UNC80: variants seen among roughly 807,000 people sequenced by gnomAD.
UNC80 encodes unc-80 subunit of NALCN channel complex.
Under a neutral mutation model 384.6 loss-of-function variants are expected in UNC80, and 164 were observed. The observed-to-expected ratio is 0.43, with a 90% CI of 0.38 to 0.49. The LOEUF is 0.49. Ranked by LOEUF, UNC80 falls within the 20% of genes least tolerant of loss-of-function variation. The pLI, the probability that UNC80 is intolerant of heterozygous loss-of-function variation, is 0.00. For missense variants in UNC80, 3,330 were observed against 4,143.0 expected, an observed-to-expected ratio of 0.80 and a Z score of 5.39; for synonymous variants, 1,486 against 1,527.8, an observed-to-expected ratio of 0.97 and a Z score of 0.64.
At chr2:209,836,562 T>A (rs1046176539) in intron 18 of UNC80, among the ~76,000 whole-genome samples, 6 of 152,240 alleles carry the variant, frequency 3.9e-5, no homozygotes, top group Non-Finnish European at 7.3e-5. Context: ...TCTTCTTATG[T>A]GAAGATACAT....
At chr2:209,851,487 G>A (rs1023664726) in intron 22 of UNC80, among the ~76,000 whole-genome samples, 1 of 152,076 alleles carries the variant, frequency 6.6e-6, no homozygotes, top group African/African-American at 2.4e-5. Flanking sequence ...CAGAGTCAAT[G>A]TGAGTTATAA....
chr2:209,918,779 A>G (rs1165085698), intron 33 of UNC80, 116 bp downstream of exon 33: 2 of 1,203,140 alleles, frequency 1.7e-6, no homozygotes, highest in African/African-American at 3.0e-5. Flanking sequence ...GAAAGTCAGC[A>G]CAAAAGATCT....
Position 209,878,081 on chromosome 2 carries a change from T to C in UNC80, c.3968T>C (p.Leu1323Ser), listed in dbSNP as rs2084938429. 3 of 1,537,480 alleles carry C rather than the reference T, an allele frequency of 2.0e-6. No individual in the cohort carries two copies. Among genetic ancestry groups the C allele is most frequent in the South Asian group, 1.2e-5 (1 of 82,016 alleles). The part of the protein sequence containing the change: ...LRKEDEEEDF[L>S]DDSTVNPSKC... ...AAGGAGGATGAGGAGGAAGACTTTT[T>C]AGATGACAGTAAGGAGACTCCCTTT... Residue 1323 changes from leucine to serine, a missense_variant, in exon 24 of 65, where the codon TTA (leucine) becomes TCA (serine). Physicochemically the swap from Leu to Ser is moderately radical, Grantham distance 145 (BLOSUM62 -2). Around this residue, in one of 8 missense-constraint regions of UNC80, gnomAD observed 801 missense variants for 950.8 expected, o/e 0.84. Coordinates refer to ENST00000673920, the MANE Select transcript of UNC80 (RefSeq NM_001371986.1).
At chr2:209,850,339 G>A (rs1446106530) in intron 22 of UNC80, among the ~76,000 whole-genome samples, 1 of 151,994 alleles carries the variant, frequency 6.6e-6, no homozygotes, top group Non-Finnish European at 1.5e-5. Flanking sequence ...AAAATACCAA[G>A]TAAACATCAG....
chr2:209,788,598 A>G (rs1011236644), intron 5 of UNC80, among the ~76,000 whole-genome samples: 3 of 147,756 alleles, frequency 2.0e-5, no homozygotes, highest in African/African-American at 7.3e-5. Context: ...ATATACAAAT[A>G]AAAGTAAAAT....
intron 61 of UNC80, among the ~76,000 whole-genome samples, chr2:209,991,928 A>G (rs1235621192): frequency 1.3e-5 from 2 of 152,194 alleles, no homozygotes; most frequent in Non-Finnish European, 2.9e-5. Context: ...TCTGAATGAT[A>G]GATACGGCAT....
intron 4 of UNC80, among the ~76,000 whole-genome samples, chr2:209,781,435 A>T (rs140497081): frequency 6.6e-6 from 1 of 152,010 alleles, no homozygotes; most frequent in Non-Finnish European, 1.5e-5. Context: ...TTTCTTTTCC[A>T]CTCAGGTCAT....
intron 23 of UNC80, among the ~76,000 whole-genome samples, chr2:209,874,550 G>T (rs150242283): frequency 0.014 from 2,064 of 152,300 alleles, 62 homozygotes; most frequent in African/African-American, 0.046. Flanking sequence ...TCTGTCTTTT[G>T]TCCTTTGTCT....
chr2:209,950,792 A>G (rs566691030), intron 47 of UNC80, among the ~76,000 whole-genome samples: 1 of 152,184 alleles, frequency 6.6e-6, no homozygotes, highest in African/African-American at 2.4e-5. Context: ...TCCTGACCTC[A>G]GGTGATCCAC....
chr2:209,772,981 T>C, intron 1 of UNC80, 113 bp from the exon 2 acceptor site: 2 of 849,652 alleles, frequency 2.4e-6, no homozygotes, highest in Admixed American at 2.4e-5. Context: ...TAAGGAAGCA[T>C]GAAATTTGAA....
rs1237032279 is a variant in UNC80 at position 209,888,112 on chromosome 2, A to G, written c.4128A>G (p.Arg1376=). Reference sequence around the variant, plus strand: ...CATTTTAGGACTTGGAGAGCTGCAGACTTCGTTTGGATCCCGAGTTGGACC... The same window carrying G: ...CATTTTAGGACTTGGAGAGCTGCAGGCTTCGTTTGGATCCCGAGTTGGACC... ...TEPLVDLESC[R]LRLDPELDRH... is the part of the protein sequence containing the mutation. Residue 1376 remains arginine, a synonymous_variant, in exon 26 of 65, where the codon AGA becomes AGG. Transcript: ENST00000673920. The G allele has an allele frequency of 6.4e-7, 1 of 1,551,690 alleles. No homozygotes were observed. The highest frequency in any genetic ancestry group is 2.4e-5 in the East Asian group (1 of 40,906).
intron 60 of UNC80, chr2:209,982,883 T>C (rs2093190054): frequency 1.3e-5 from 2 of 151,978 alleles, no homozygotes; most frequent in South Asian, 2.1e-4. Flanking sequence ...ACAAAACCCC[T>C]TTAAATATTT....
chr2:209,838,264 C>G (rs898614448), intron 18 of UNC80, among the ~76,000 whole-genome samples: 4 of 148,326 alleles, frequency 2.7e-5, no homozygotes. Flanking sequence ...CCCCACCCCC[C>G]ACCCCGCACC....
At position 209,786,113 on chromosome 2, in the gene UNC80, G is replaced by A; in HGVS notation, c.648G>A (p.Gln216=). ...FRLASGLVIW[Q]PMWEHRQPGV... ...TGGCCAGTGGGCTTGTTATATGGCA[G>A]CCCATGTGGGAACACAGACAGCCCG... The change falls in exon 5 of 65, where the codon CAG becomes CAA. Residue 216 remains glutamine, a synonymous_variant. Transcript: ENST00000673920. 6.2e-7 allele frequency: 1 copy of A among 1,614,072 alleles called. No individual in the cohort carries two copies. The highest frequency in any genetic ancestry group is 8.5e-7 in the Non-Finnish European group (1 of 1,179,968).
chr2:209,966,049 G>A (rs1559408312), intron 51 of UNC80, among the ~76,000 whole-genome samples: 1 of 151,974 alleles, frequency 6.6e-6, no homozygotes, highest in East Asian at 1.9e-4. Flanking sequence ...ATCCACACAT[G>A]CATTCCTAGG....
At chr2:209,947,036 C>T (rs192747709) in intron 47 of UNC80, among the ~76,000 whole-genome samples, 8 of 152,250 alleles carry the variant, frequency 5.3e-5, no homozygotes, top group Non-Finnish European at 8.8e-5. Flanking sequence ...TGGTCAGGCA[C>T]GGATGTGGCT....
intron 13 of UNC80, among the ~76,000 whole-genome samples, chr2:209,821,856 C>A (rs914681004): frequency 1.3e-5 from 2 of 152,138 alleles, no homozygotes; most frequent in Non-Finnish European, 2.9e-5. Flanking sequence ...CTCTACACAT[C>A]ATGTCAAGTG....
At position 209,917,870 on chromosome 2, in the gene UNC80, T is replaced by C; in HGVS notation, c.5123T>C (p.Leu1708Pro). 6.4e-7 allele frequency: 1 copy of C among 1,551,970 alleles called. No homozygotes were observed. Among genetic ancestry groups the C allele is most frequent in the Non-Finnish European group, 8.7e-7 (1 of 1,147,048 alleles). The change falls in exon 32 of 65, where the codon CTG becomes CCG. Residue 1708 changes from leucine to proline, a missense_variant. By Grantham distance (98) the Leu-to-Pro change is moderately conservative. This residue lies in a region of UNC80 where 801 missense variants were observed against 950.8 expected (regional missense o/e 0.84). Coordinates refer to ENST00000673920, the MANE Select transcript of UNC80 (RefSeq NM_001371986.1). ...CACCACCCGGAGACTGTGCAGAGGC[T>C]GAACGCTGTCCTCAAGTTCCACACG... ...EFHHPETVQR[L>P]NAVLKFHTLW...
chr2:209,988,658 A>G (rs1367912048), intron 61 of UNC80, among the ~76,000 whole-genome samples: 1 of 152,216 alleles, frequency 6.6e-6, no homozygotes, highest in African/African-American at 2.4e-5. Flanking sequence ...TTATACTGAT[A>G]TAGGAGAGAA....
Sources: allele counts gnomAD v4.1 joint callset (sites outside exome capture counted in the v4.1 genomes callset), GRCh38; gene constraint gnomAD v4.1.1; regional missense constraint gnomAD v4.1.1; transcripts MANE v1.5; gene names NCBI Gene and HGNC (gene_info 2026-07-23, HGNC 2026-07-21).